Variants in MFSD1 observed in about 807,000 individuals in gnomAD.
The protein encoded by MFSD1 is major facilitator superfamily domain containing 1.
In MFSD1, 59 loss-of-function variants were observed where a neutral mutation model predicts 67.1. The ratio of observed to expected loss-of-function variants is 0.88; its 90% CI spans 0.71 to 1.09. The LOEUF is 1.09. MFSD1 is among the 50% of genes least tolerant of loss of function. The probability of loss-of-function intolerance (pLI) is 0.00; values close to 1 mark genes in which losing one functional copy is unlikely to be tolerated. For synonymous variants in MFSD1, 213 were observed against 200.3 expected (o/e 1.06, Z -0.54); for missense variants, 552 against 566.1 (o/e 0.97, Z 0.25).
intron 6 of MFSD1, among the ~76,000 whole-genome samples, chr3:158,811,574 T>C (rs1261020714): frequency 6.6e-6 from 1 of 152,110 alleles, no homozygotes. Flanking sequence ...AAGATCGAGA[T>C]GGAACCAACA....
rs544027552 is a variant in MFSD1, at chr3:158,814,081, A to G, written c.652+14A>G. ...CACTTATGATTGGTGAGTGAATCCC[A>G]TGTCCCACATCTCTCCTCTTCTGAA... On this transcript the variant is annotated intron_variant, in intron 7 of 15. Coordinates refer to ENST00000415822, the MANE Select transcript of MFSD1 (RefSeq NM_022736.4). The G allele has an allele frequency of 2.5e-4, 400 of 1,580,154 alleles. 3 individuals are homozygous for G. In the Middle Eastern group the frequency reaches 3.2e-3, roughly 13 times the overall value.
chr3:158,829,037 A>G lies in MFSD1; in HGVS notation c.*55A>G. On this transcript the variant is annotated 3_prime_UTR_variant, in exon 16 of 16. Coordinates refer to ENST00000415822, the MANE Select transcript of MFSD1 (RefSeq NM_022736.4). ...GGCTTAACACATCGTTGGTTTGAAA[A>G]CTTCCATTTTTAAAAATTTAGAGTT... 6.5e-7 allele frequency: 1 copy of G among 1,542,034 alleles called. No homozygotes were observed. The highest frequency in any genetic ancestry group is 8.7e-7 in the Non-Finnish European group (1 of 1,143,810).
intron 1 of MFSD1, 115 bp downstream of exon 1, chr3:158,802,430 A>G: frequency 8.3e-7 from 1 of 1,200,260 alleles, no homozygotes; most frequent in Non-Finnish European, 1.2e-6. Context: ...CTTCTGTCTT[A>G]AGCTCCTGGG....
rs765808469 is a variant in MFSD1, at chr3:158,805,374, A to T, written c.229A>T (p.Asn77Tyr). The T allele has an allele frequency of 2.0e-5, 33 of 1,613,666 alleles. No homozygotes were observed. The highest frequency in any genetic ancestry group is 2.6e-5 in the Non-Finnish European group (31 of 1,179,550). The change falls in exon 3 of 16, where the codon AAT becomes TAT. Residue 77 changes from asparagine to tyrosine, a missense_variant. Asn to Tyr is a moderately radical substitution (Grantham distance 143). Transcript: ENST00000415822. ...QTQVKRDMQV[N>Y]TTKFMLLYAW... is the part of the protein sequence containing the mutation. ...TCTTTTCATATAGGATATGCAAGTGAATACCACGAAATTCATGCTGCTGTA... is the reference window on the plus strand; with the variant it reads ...TCTTTTCATATAGGATATGCAAGTGTATACCACGAAATTCATGCTGCTGTA...
At chr3:158,821,513 TTG>T in intron 9 of MFSD1, 82 bp from the exon 10 acceptor site, 2 of 889,412 alleles carry the variant, frequency 2.2e-6, no homozygotes. Context: ...CTGATTAAAC[TTG>T]AGTTATTTTT....
intron 14 of MFSD1, 98 bp downstream of exon 14, chr3:158,826,160 C>T: frequency 1.2e-6 from 1 of 851,756 alleles, no homozygotes; most frequent in Non-Finnish European, 2.0e-6. Context: ...TTATTCCATG[C>T]AGTAATGACT....
intron 13 of MFSD1, chr3:158,824,467 A>T: frequency 2.3e-6 from 1 of 429,300 alleles, no homozygotes; most frequent in Non-Finnish European, 4.2e-6. Flanking sequence ...TTACAGTTTA[A>T]AAAAAAAAAG....
chr3:158,824,192 G>A lies in MFSD1; in HGVS notation c.1244G>A (p.Arg415Gln), dbSNP rs748438068. The A allele has an allele frequency of 3.7e-6, 6 of 1,613,048 alleles. No homozygotes were observed. The Admixed American group carries it at 5.0e-5, about 13-fold the overall frequency. The change falls in exon 13 of 16, where the codon CGG (arginine) becomes CAG (glutamine). Residue 415 changes from arginine (R) to glutamine (Q), a missense_variant. Coordinates refer to ENST00000415822, the MANE Select transcript of MFSD1 (RefSeq NM_022736.4). ...SIIAGMILDS[R>Q]GYLFLEVFFI... ...ATTGCTGGTATGATACTGGATTCTCGGGGGTATTTGTTTTTGGAAGTGTTC... is the reference window on the plus strand; with the variant it reads ...ATTGCTGGTATGATACTGGATTCTCAGGGGTATTTGTTTTTGGAAGTGTTC...
intron 1 of MFSD1, 131 bp downstream of exon 1, chr3:158,802,446 T>A: frequency 9.5e-7 from 1 of 1,049,746 alleles, no homozygotes; most frequent in Non-Finnish European, 1.4e-6. Flanking sequence ...CTGGGCCTCC[T>A]TATTTTCCCC....
intron 12 of MFSD1, 39 bp from the exon 13 acceptor site, chr3:158,824,085 T>C (rs368789832): frequency 3.0e-5 from 44 of 1,452,252 alleles, no homozygotes; most frequent in South Asian, 2.8e-4. Flanking sequence ...GTGAAGACTT[T>C]TGAAAATGAA....
intron 6 of MFSD1, 35 bp from the exon 7 acceptor site, chr3:158,813,929 TA>T: frequency 6.8e-7 from 1 of 1,467,252 alleles, no homozygotes; most frequent in African/African-American, 1.4e-5. Context: ...ATATATGATT[TA>T]AAATGCTGTT....
intron 9 of MFSD1, among the ~76,000 whole-genome samples, chr3:158,820,605 A>C (rs554857638): frequency 6.6e-6 from 1 of 152,342 alleles, no homozygotes; most frequent in East Asian, 1.9e-4. Context: ...AAGGAAAAAG[A>C]TTTAATTGAC....
chr3:158,806,601 T>A (rs1275103984), intron 3 of MFSD1, among the ~76,000 whole-genome samples: 1 of 152,338 alleles, frequency 6.6e-6, no homozygotes, highest in East Asian at 1.9e-4. Flanking sequence ...AAATTGGTTT[T>A]AGTTATCAAG....
intron 13 of MFSD1, 98 bp downstream of exon 13, chr3:158,824,334 C>T (rs1730843749): frequency 7.3e-6 from 6 of 825,936 alleles, no homozygotes; most frequent in Non-Finnish European, 1.2e-5. Flanking sequence ...CTAATTCTCA[C>T]CTGTGAATTA....
intron 6 of MFSD1, among the ~76,000 whole-genome samples, chr3:158,810,493 C>T (rs1215711704): frequency 6.6e-6 from 1 of 152,112 alleles, no homozygotes; most frequent in East Asian, 1.9e-4. Flanking sequence ...ATGAGTATTT[C>T]TGTATTTTTA....
intron 5 of MFSD1, among the ~76,000 whole-genome samples, chr3:158,808,044 G>T (rs1310689742): frequency 6.6e-6 from 1 of 152,210 alleles, no homozygotes; most frequent in African/African-American, 2.4e-5. Flanking sequence ...ACTTATTCAA[G>T]CTTTGCACAG....
chr3:158,802,403 A>G (rs1436262159), intron 1 of MFSD1, 88 bp downstream of exon 1: 1 of 1,464,940 alleles, frequency 6.8e-7, no homozygotes, highest in Non-Finnish European at 9.5e-7. Flanking sequence ...CACTGGTGCC[A>G]CGGGGCCTCA....
At position 158,807,071 on chromosome 3, in the gene MFSD1, T is replaced by G; in HGVS notation, c.361T>G (p.Cys121Gly). 1.9e-6 allele frequency: 3 copies of G among 1,612,536 alleles called. No individual in the cohort carries two copies. The highest frequency in any genetic ancestry group is 2.5e-6 in the Non-Finnish European group (3 of 1,179,178). Reference sequence around the variant, plus strand: ...CACAATCATTTTTAGCTGCTTTGTTTGCATTGGACAGGTAAGGAAGGCCAA... The same window carrying G: ...CACAATCATTTTTAGCTGCTTTGTTGGCATTGGACAGGTAAGGAAGGCCAA... The part of the protein sequence containing the change: ...WGTIIFSCFV[C>G]IGQVVFALGG... Residue 121 changes from cysteine to glycine, a missense_variant, in exon 4 of 16, where the codon TGC (cysteine) becomes GGC (glycine). Coordinates refer to ENST00000415822, the MANE Select transcript of MFSD1 (RefSeq NM_022736.4).
chr3:158,802,478 A>C, intron 1 of MFSD1, 163 bp downstream of exon 1: 1 of 862,608 alleles, frequency 1.2e-6, no homozygotes, highest in Non-Finnish European at 1.9e-6. Flanking sequence ...TTCCAGCCAC[A>C]CCTGTGGATG....
Sources: allele counts gnomAD v4.1 joint callset (sites outside exome capture counted in the v4.1 genomes callset), GRCh38; gene constraint gnomAD v4.1.1; transcripts MANE v1.5; gene names NCBI Gene and HGNC (gene_info 2026-07-23, HGNC 2026-07-21).